Variants in ADGRB1 observed in about 807,000 individuals in gnomAD.
The protein encoded by ADGRB1 is brain-specific angiogenesis inhibitor 1.
A neutral mutation model predicts 175.7 loss-of-function variants in ADGRB1; 36 were observed. The observed-to-expected ratio is 0.20, with a 90% CI of 0.16 to 0.27. The LOEUF (loss-of-function observed/expected upper bound fraction) is 0.27, where lower values mean the gene tolerates loss of function less well. Among genes scored for constraint, ADGRB1 ranks in the 10% least tolerant of loss-of-function variants. The pLI, the probability that ADGRB1 is intolerant of heterozygous loss-of-function variation, is 1.00. For missense variants in ADGRB1, 1,731 were observed against 2,255.3 expected (o/e 0.77, Z 4.71); for synonymous variants, 1,054 against 979.4 (o/e 1.08, Z -1.42).
At chr8:142,522,237 G>C in intron 21 of ADGRB1, 122 bp downstream of exon 21, 1 of 1,381,732 alleles carries the variant, frequency 7.2e-7, no homozygotes, top group African/African-American at 1.4e-5. Flanking sequence ...GTTGCTGCTT[G>C]GGTGGGCTTC....
intron 18 of ADGRB1, among the ~76,000 whole-genome samples, chr8:142,516,184 CGT>C (rs1376853235): frequency 1.4e-5 from 2 of 141,106 alleles, no homozygotes; most frequent in Non-Finnish European, 3.1e-5. Flanking sequence ...CAGGTGCGTG[CGT>C]GTGTGGGGGC....
rs752260025 is a variant in ADGRB1 at position 142,542,617 on chromosome 8, T to C, written c.4383T>C (p.Asn1461=). Residue 1461 remains asparagine, a synonymous_variant, in exon 28 of 31, where the codon AAT becomes AAC. Coordinates refer to ENST00000517894, the MANE Select transcript of ADGRB1 (RefSeq NM_001702.3). The surrounding 1 kb of genome is among the most constrained non-coding windows in gnomAD (Gnocchi z 6.3). ...CGGGGCCCAGCACCAAGAACGAGAA[T>C]GTCGCCACCTTGTCTGTGAGCTCCC... ...PSTGPSTKNE[N]VATLSVSSLE... 9.7e-6 allele frequency: 15 copies of C among 1,549,984 alleles called. No homozygotes were observed. The East Asian group carries it at 3.0e-4, about 31-fold the overall frequency.
intron 18 of ADGRB1, among the ~76,000 whole-genome samples, chr8:142,515,154 G>A (rs1258635453): frequency 6.6e-6 from 1 of 152,164 alleles, no homozygotes; most frequent in African/African-American, 2.4e-5. Flanking sequence ...GGTGACTTCT[G>A]TGCTGGGAGG....
At chr8:142,516,709 G>T (rs1247341139) in intron 18 of ADGRB1, among the ~76,000 whole-genome samples, 1 of 151,236 alleles carries the variant, frequency 6.6e-6, no homozygotes, top group Non-Finnish European at 1.5e-5. Context: ...GCGTGCATGT[G>T]TGCGGGCCCC....
At chr8:142,536,046 A>G (rs2132247161) in intron 25 of ADGRB1, among the ~76,000 whole-genome samples, 1 of 152,200 alleles carries the variant, frequency 6.6e-6, no homozygotes, top group Admixed American at 6.5e-5. Flanking sequence ...CCCCAGCAGC[A>G]TGAAGCAGAG....
Position 142,542,300 on chromosome 8 carries a change from C to T in ADGRB1, c.4066C>T (p.Arg1356Trp), listed in dbSNP as rs1189520914. Residue 1356 changes from arginine (R) to tryptophan (W), a missense_variant, in exon 28 of 31, where the codon CGG becomes TGG. Coordinates refer to ENST00000517894, the MANE Select transcript of ADGRB1 (RefSeq NM_001702.3). This position sits in a 1 kb window ranked among gnomAD's most constrained non-coding sequence, Gnocchi z 6.3. ...VILPTATATLRPKPKEEPKYS... is the reference protein window; with the variant it reads ...VILPTATATLWPKPKEEPKYS... ...CCTGCCCACGGCCACGGCCACGCTG[C>T]GGCCCAAGCCCAAGGAGGAGCCCAA... 11 of 1,613,052 alleles carry T rather than the reference C, an allele frequency of 6.8e-6. No individual in the cohort carries two copies. The highest frequency in any genetic ancestry group is 3.3e-5 in the South Asian group (3 of 91,086).
At chr8:142,495,634 C>A (rs531871760) in intron 17 of ADGRB1, among the ~76,000 whole-genome samples, 25 of 151,920 alleles carry the variant, frequency 1.6e-4, no homozygotes, top group Non-Finnish European at 3.1e-4. Context: ...TGGCTTGTGG[C>A]GGCGTCACTC....
rs1452146520 is a variant in ADGRB1 at position 142,474,271 on chromosome 8, T to C, written c.785-1203T>C. 6.6e-6 allele frequency among the ~76,000 whole-genome samples: 1 copy of C among 152,158 alleles called. No individual in the cohort carries two copies. The highest frequency in any genetic ancestry group is 1.5e-5 in the Non-Finnish European group (1 of 67,992). The stretch of plus-strand genomic sequence containing the variant: ...TTGCTGCCCCTGGGGCCTCCCCTGC[T>C]GTACCTGGGATCGAGCTGCCGGATC... On this transcript the variant is annotated intron_variant, in intron 2 of 30. Transcript: ENST00000517894. This position sits in a 1 kb window ranked among gnomAD's most constrained non-coding sequence, Gnocchi z 5.8.
intron 1 of ADGRB1, among the ~76,000 whole-genome samples, 185 bp from the exon 2 acceptor site, chr8:142,463,795 T>C (rs1840093103): frequency 6.6e-6 from 1 of 152,148 alleles, no homozygotes; most frequent in Admixed American, 6.5e-5. Context: ...CATTGGTGAG[T>C]GGCAGACAGA....
chr8:142,461,213 T>C (rs1459367030), intron 1 of ADGRB1, among the ~76,000 whole-genome samples: 1 of 152,132 alleles, frequency 6.6e-6, no homozygotes, highest in African/African-American at 2.4e-5. Context: ...CAGGCTCAGG[T>C]GCCCAGTACC....
chr8:142,461,950 G>A (rs376771947), intron 1 of ADGRB1, among the ~76,000 whole-genome samples: 12 of 152,234 alleles, frequency 7.9e-5, no homozygotes, highest in Admixed American at 5.2e-4. Flanking sequence ...CGCAAGGTGA[G>A]GCTGGGGAGG....
intron 1 of ADGRB1, among the ~76,000 whole-genome samples, chr8:142,453,128 C>G (rs1839461827): frequency 6.6e-6 from 1 of 151,572 alleles, no homozygotes. Flanking sequence ...CTCGCCGGCC[C>G]GGCCCGGTCC....
At chr8:142,451,308 C>T (rs1354471488) in intron 1 of ADGRB1, among the ~76,000 whole-genome samples, 1 of 152,190 alleles carries the variant, frequency 6.6e-6, no homozygotes, top group Non-Finnish European at 1.5e-5. Context: ...TCTGGCACCC[C>T]AGCCCCAGGC....
chr8:142,493,445 GC>G lies in ADGRB1; in HGVS notation c.2675+2633del, dbSNP rs1321413389. ...CCTAAAAGTCACAGGTGTGGGGAAG[GC>G]CCAGGACCCGCCAGTCACACCAGGT... On this transcript the variant is annotated intron_variant, in intron 17 of 30. Transcript: ENST00000517894. This position sits in a 1 kb window ranked among gnomAD's most constrained non-coding sequence, Gnocchi z 5.0. Among the ~76,000 whole-genome samples the G allele has an allele frequency of 6.6e-6, 1 of 152,110 alleles. No individual in the cohort carries two copies. Among genetic ancestry groups the G allele is most frequent in the East Asian group, 1.9e-4 (1 of 5,156 alleles).
In ADGRB1 at chr8:142,518,252, C is replaced by A; in HGVS notation, c.2921+11C>A. Reference sequence around the variant, plus strand: ...CGTGTCCGTGTGGAGGTGGGTGCCGCCCAGGTGCTGGGCATGCATGTCTGT... The same window carrying A: ...CGTGTCCGTGTGGAGGTGGGTGCCGACCAGGTGCTGGGCATGCATGTCTGT... On this transcript the variant is annotated intron_variant, in intron 19 of 30. Coordinates refer to ENST00000517894, the MANE Select transcript of ADGRB1 (RefSeq NM_001702.3). 6.2e-7 allele frequency: 1 copy of A among 1,613,004 alleles called. No individual in the cohort carries two copies. Among genetic ancestry groups the A allele is most frequent in the South Asian group, 1.1e-5 (1 of 91,054 alleles).
intron 1 of ADGRB1, among the ~76,000 whole-genome samples, chr8:142,452,873 T>G (rs1276862580): frequency 2.0e-5 from 3 of 150,018 alleles, no homozygotes; most frequent in Admixed American, 6.6e-5. Context: ...GGGGCCGCAG[T>G]GGCGGAAGGC....
chr8:142,491,412 G>T (rs559627936), intron 17 of ADGRB1, among the ~76,000 whole-genome samples: 1 of 152,348 alleles, frequency 6.6e-6, no homozygotes. Context: ...GTGCCATCTC[G>T]GGGCCCTGGT....
chr8:142,480,141 GTC>G (rs1232855753), intron 9 of ADGRB1, among the ~76,000 whole-genome samples: 20 of 152,224 alleles, frequency 1.3e-4, no homozygotes, highest in Non-Finnish European at 1.3e-4. Flanking sequence ...GGAAGAGGAG[GTC>G]TCTGTTGAAT....
chr8:142,489,844 G>T (rs1259203126), intron 16 of ADGRB1, among the ~76,000 whole-genome samples: 2 of 152,166 alleles, frequency 1.3e-5, no homozygotes, highest in East Asian at 3.9e-4. Context: ...CTCGCCTGCA[G>T]GGGCCCTGGG....
Sources: gnomAD v4.1 joint callset for allele counts (sites outside exome capture counted in the v4.1 genomes callset) on GRCh38, gnomAD v4.1.1 for gene constraint, Gnocchi (gnomAD v3.1) non-coding constraint, MANE v1.5 for transcripts, NCBI Gene and HGNC (gene_info 2026-07-23, HGNC 2026-07-21) for gene names.